Variants in BMP2K observed in about 807,000 individuals in gnomAD.
The protein encoded by BMP2K is BMP2 inducible kinase, also known as BMP-2-inducible protein kinase.
A neutral mutation model predicts 116.0 loss-of-function variants in BMP2K; 74 were observed. The ratio of observed to expected loss-of-function variants is 0.64; its 90% CI spans 0.53 to 0.77. The LOEUF is 0.77. Among genes scored for constraint, BMP2K ranks in the 30% least tolerant of loss-of-function variants. BMP2K has a pLI of 0.00. For missense variants in BMP2K, 1,365 were observed against 1,403.6 expected (o/e 0.97, Z 0.44); for synonymous variants, 486 against 502.5 (o/e 0.97, Z 0.44).
chr4:78,786,410 T>TGTGTGC (rs1053487830), intron 1 of BMP2K, among the ~76,000 whole-genome samples: 1 of 85,222 alleles, frequency 1.2e-5, no homozygotes, highest in African/African-American at 6.1e-5. Flanking sequence ...ACCCAATGTG[T>TGTGTGC]GTGTGTGTGT....
chr4:78,781,196 AG>A (rs1416150350), intron 1 of BMP2K, among the ~76,000 whole-genome samples: 2 of 152,156 alleles, frequency 1.3e-5, no homozygotes, highest in Non-Finnish European at 1.5e-5. Flanking sequence ...AAGCTATTGA[AG>A]GGTTTGAATT....
At chr4:78,816,547 A>C (rs971691388) in intron 1 of BMP2K, among the ~76,000 whole-genome samples, 1 of 152,224 alleles carries the variant, frequency 6.6e-6, no homozygotes. Flanking sequence ...CTACAGTTAC[A>C]GAAAACATTT....
intron 1 of BMP2K, among the ~76,000 whole-genome samples, chr4:78,793,889 A>G: frequency 6.6e-6 from 1 of 152,236 alleles, no homozygotes; most frequent in Middle Eastern, 3.4e-3. Flanking sequence ...TTGTTAATGT[A>G]GTTACTAGAA....
intron 1 of BMP2K, among the ~76,000 whole-genome samples, chr4:78,800,141 A>G (rs1250495651): frequency 1.3e-5 from 2 of 152,218 alleles, no homozygotes. Context: ...ACTCAGGCAG[A>G]ATGTATAAAT....
chr4:78,826,017 T>G lies in BMP2K; in HGVS notation c.179-20T>G. On this transcript the variant is annotated intron_variant, in intron 1 of 15. Transcript: ENST00000502613. ...TTTGTTTTTGTTTCTTTTAAATTAATTGGTGCTTTGTTTTTCTAGGTGGAT... is the reference window on the plus strand; with the variant it reads ...TTTGTTTTTGTTTCTTTTAAATTAAGTGGTGCTTTGTTTTTCTAGGTGGAT... 6.4e-7 allele frequency: 1 copy of G among 1,555,942 alleles called. No individual in the cohort carries two copies. The highest frequency in any genetic ancestry group is 8.8e-7 in the Non-Finnish European group (1 of 1,131,576).
rs1219006652 is a variant in BMP2K at position 78,839,155 on chromosome 4, A to G, written c.404-3230A>G. On this transcript the variant is annotated intron_variant, in intron 3 of 15. Coordinates refer to ENST00000502613, the MANE Select transcript of BMP2K (RefSeq NM_198892.2). ...TGTATCCATGGGCCAGCTGCTTTCAACTTAGCTTGGTTGGGTGGCACTGCA... is the reference window on the plus strand; with the variant it reads ...TGTATCCATGGGCCAGCTGCTTTCAGCTTAGCTTGGTTGGGTGGCACTGCA... Among the ~76,000 whole-genome samples the G allele has an allele frequency of 2.0e-5, 3 of 152,190 alleles. No individual in the cohort carries two copies. The East Asian group carries it at 5.8e-4, about 29-fold the overall frequency.
intron 7 of BMP2K, among the ~76,000 whole-genome samples, chr4:78,856,241 A>G (rs1463068606): frequency 6.6e-6 from 1 of 152,056 alleles, no homozygotes; most frequent in Non-Finnish European, 1.5e-5. Context: ...CTGGATTGCA[A>G]TGGTGAGATC....
Position 78,912,928 on chromosome 4 carries a change from A to G in BMP2K, c.*895A>G, listed in dbSNP as rs1734736285. The G allele has an allele frequency of 6.6e-6, 1 of 152,158 alleles. No homozygotes were observed. The allele number at this position is 152,158 out of a possible 1,614,324, so 9.4% of individuals were successfully genotyped here. On this transcript the variant is annotated 3_prime_UTR_variant, in exon 16 of 16. Transcript: ENST00000502613. ...GCATGGCTTCTTGCCCCAAACTTTTATTGTGATGGCCCTAATAAAGCAGAT... is the reference window on the plus strand; with the variant it reads ...GCATGGCTTCTTGCCCCAAACTTTTGTTGTGATGGCCCTAATAAAGCAGAT...
intron 10 of BMP2K, 160 bp downstream of exon 10, chr4:78,865,880 C>T: frequency 1.4e-6 from 1 of 703,618 alleles, no homozygotes; most frequent in East Asian, 2.8e-5. Flanking sequence ...GTTGGTTTCT[C>T]AACAATTCAA....
At chr4:78,782,700 GTATTTT>G (rs1399001288) in intron 1 of BMP2K, among the ~76,000 whole-genome samples, 1 of 152,108 alleles carries the variant, frequency 6.6e-6, no homozygotes, top group Non-Finnish European at 1.5e-5. Flanking sequence ...TATTGACATT[GTATTTT>G]TATTTATTCT....
At chr4:78,809,873 G>C (rs1170123922) in intron 1 of BMP2K, among the ~76,000 whole-genome samples, 1 of 152,032 alleles carries the variant, frequency 6.6e-6, no homozygotes, top group Admixed American at 6.6e-5. Context: ...GACAGTTTCT[G>C]TTGACTTGCT....
At chr4:78,832,906 G>T (rs1730279566) in intron 2 of BMP2K, among the ~76,000 whole-genome samples, 1 of 151,914 alleles carries the variant, frequency 6.6e-6, no homozygotes, top group Non-Finnish European at 1.5e-5. Flanking sequence ...GATAGTTTAT[G>T]TAAATTTATT....
At chr4:78,858,430 T>C (rs1731608240) in intron 7 of BMP2K, among the ~76,000 whole-genome samples, 1 of 151,960 alleles carries the variant, frequency 6.6e-6, no homozygotes, top group African/African-American at 2.4e-5. Context: ...ATCCATTTTA[T>C]AAGTGATATA....
rs893621837 is a variant in BMP2K at position 78,798,080 on chromosome 4, G to A, written c.178+21359G>A. Among the ~76,000 whole-genome samples, 3 of 152,306 alleles carry A rather than the reference G, an allele frequency of 2.0e-5. No homozygotes were observed. In the East Asian group the frequency reaches 5.8e-4, roughly 29 times the overall value. On this transcript the variant is annotated intron_variant, in intron 1 of 15. Coordinates refer to ENST00000502613, the MANE Select transcript of BMP2K (RefSeq NM_198892.2). ...AGTCCTCCTCCCTTGGCCTCCCAAA[G>A]TGTTGGTATTACAGGCATGAGCCAC...
intron 3 of BMP2K, among the ~76,000 whole-genome samples, chr4:78,840,227 C>A (rs1730692644): frequency 6.6e-6 from 1 of 151,908 alleles, no homozygotes; most frequent in African/African-American, 2.4e-5. Flanking sequence ...TTAATGATAC[C>A]TCTTTGGAAA....
intron 1 of BMP2K, among the ~76,000 whole-genome samples, chr4:78,812,760 T>C (rs1409720224): frequency 1.3e-5 from 2 of 152,162 alleles, no homozygotes; most frequent in African/African-American, 4.8e-5. Context: ...TATTTGGCTG[T>C]GGTGGCTCAT....
rs746988125 is a variant in BMP2K, at chr4:78,815,921, A to G, written c.179-10116A>G. ...AAAAAATATTGATGAGTAAAGTGAC[A>G]TGATGTATACAGATTGCTTTCAAAT... is the stretch of plus-strand genomic sequence containing the variant. On this transcript the variant is annotated intron_variant, in intron 1 of 15. Coordinates refer to ENST00000502613, the MANE Select transcript of BMP2K (RefSeq NM_198892.2). Among the ~76,000 whole-genome samples the G allele has an allele frequency of 4.9e-4, 75 of 152,318 alleles. 1 individual carries two copies. Among genetic ancestry groups the G allele is most frequent in the Admixed American group, 1.2e-3 (19 of 15,298 alleles).
chr4:78,835,981 A>C (rs1577912288), intron 3 of BMP2K, among the ~76,000 whole-genome samples: 1 of 130,620 alleles, frequency 7.7e-6, no homozygotes, highest in African/African-American at 4.7e-5. Context: ...GGACCAAATC[A>C]GTGTTTATTT....
chr4:78,859,463 A>G (rs1731662634), intron 7 of BMP2K, 121 bp from the exon 8 acceptor site: 2 of 580,202 alleles, frequency 3.4e-6, no homozygotes, highest in South Asian at 3.3e-5. Flanking sequence ...AAAGTTTGCT[A>G]GAATCATCAC....
Sources: allele counts gnomAD v4.1 joint callset (sites outside exome capture counted in the v4.1 genomes callset), GRCh38; gene constraint gnomAD v4.1.1; transcripts MANE v1.5; gene names NCBI Gene and HGNC (gene_info 2026-07-23, HGNC 2026-07-21).